SCN4A: variants seen among roughly 807,000 people sequenced by gnomAD.
SCN4A encodes the protein sodium channel protein type 4 subunit alpha.
Under a neutral mutation model 162.0 loss-of-function variants are expected in SCN4A, and 83 were observed. That is an observed-to-expected ratio of 0.51 (90% CI 0.43 to 0.61). The LOEUF is 0.61. Among genes scored for constraint, SCN4A ranks in the 20% least tolerant of loss-of-function variants. The pLI, the probability that SCN4A is intolerant of heterozygous loss-of-function variation, is 0.00. For synonymous variants in SCN4A, 944 were observed against 985.1 expected (o/e 0.96, Z 0.78); for missense variants, 2,196 against 2,462.5 (o/e 0.89, Z 2.29).
chr17:63,969,674 C>T (rs1436292077), intron 5 of SCN4A, among the ~76,000 whole-genome samples: 4 of 151,986 alleles, frequency 2.6e-5, no homozygotes, highest in South Asian at 2.1e-4. Context: ...GATAGAGTCT[C>T]GCTCTGTCGC....
chr17:63,971,116 G>T, intron 5 of SCN4A, 46 bp downstream of exon 5: 1 of 1,251,536 alleles, frequency 8.0e-7, no homozygotes, highest in Non-Finnish European at 1.1e-6. Flanking sequence ...CACATGGTAC[G>T]GGGGTCTCTC....
chr17:63,942,731 G>C, intron 23 of SCN4A, 95 bp downstream of exon 23: 1 of 1,274,190 alleles, frequency 7.8e-7, no homozygotes, highest in Non-Finnish European at 1.1e-6. Flanking sequence ...GGGTGAGCGT[G>C]TGAGGGTGCA....
chr17:63,964,495 G>A lies in SCN4A; in HGVS notation c.1425C>T (p.Phe475=). The A allele has an allele frequency of 6.2e-7, 1 of 1,613,980 alleles. No individual in the cohort carries two copies. Among genetic ancestry groups the A allele is most frequent in the African/African-American group, 1.3e-5 (1 of 75,054 alleles). Residue 475 remains phenylalanine (F), a synonymous_variant, in exon 9 of 24, where the codon TTC becomes TTT. Transcript: ENST00000435607. ...EEEFQQMLEK[F]KKHQEELEKA... ...TCTCCAGCTCCTCCTGGTGCTTTTTGAACTTCTCAAGCATCTGCTGAAACT... is the reference window on the plus strand; with the variant it reads ...TCTCCAGCTCCTCCTGGTGCTTTTTAAACTTCTCAAGCATCTGCTGAAACT...
At chr17:63,942,733 G>T in intron 23 of SCN4A, 93 bp downstream of exon 23, 1 of 1,297,668 alleles carries the variant, frequency 7.7e-7, no homozygotes, top group Non-Finnish European at 1.1e-6. Context: ...GTGAGCGTGT[G>T]AGGGTGCAGG....
At position 63,951,134 on chromosome 17, in the gene SCN4A, C is replaced by T. The variant is rs1908894261; in HGVS notation, c.2853+290G>A. On this transcript the variant is annotated intron_variant, in intron 14 of 23. Coordinates refer to ENST00000435607, the MANE Select transcript of SCN4A (RefSeq NM_000334.4). The surrounding 1 kb of genome is among the most constrained non-coding windows in gnomAD (Gnocchi z 4.5). Reference sequence around the variant, plus strand: ...GTAAAAGCAGCATGTCCAAGGGCACCACCTGCTGGTGAGAGGGGCCCAGGT... The same window carrying T: ...GTAAAAGCAGCATGTCCAAGGGCACTACCTGCTGGTGAGAGGGGCCCAGGT... Among the ~76,000 whole-genome samples, 1 of 152,190 alleles carries T rather than the reference C, an allele frequency of 6.6e-6. No homozygotes were observed.
chr17:63,957,098 AT>A, intron 13 of SCN4A, 63 bp downstream of exon 13: 1 of 1,133,606 alleles, frequency 8.8e-7, no homozygotes, highest in Non-Finnish European at 1.3e-6. Context: ...AAACAGTCAA[AT>A]ATCAGGTACA....
intron 22 of SCN4A, 148 bp from the exon 23 acceptor site, chr17:63,943,244 G>T: frequency 1.0e-6 from 1 of 972,864 alleles, no homozygotes; most frequent in Non-Finnish European, 1.5e-6. Context: ...GAGAAAGGAG[G>T]TGTTGGGGGT....
At chr17:63,946,464 C>CT (rs1220086390) in intron 18 of SCN4A, among the ~76,000 whole-genome samples, 1 of 109,684 alleles carries the variant, frequency 9.1e-6, no homozygotes, top group Non-Finnish European at 1.7e-5. Flanking sequence ...TTTTTCTTGC[C>CT]CCCCCCCCCA....
Position 63,944,880 on chromosome 17 carries a change from G to T in SCN4A, c.3775-70C>A. On this transcript the variant is annotated intron_variant, in intron 20 of 23. Coordinates refer to ENST00000435607, the MANE Select transcript of SCN4A (RefSeq NM_000334.4). This position sits in a 1 kb window ranked among gnomAD's most constrained non-coding sequence, Gnocchi z 4.3. ...TTCTCCCTGCCCCCCACAGCCCTGA[G>T]GGCAGGACCCATCCACCCCCAGGGC... is the stretch of plus-strand genomic sequence containing the variant. The T allele has an allele frequency of 6.2e-7, 1 of 1,600,676 alleles. No individual in the cohort carries two copies. Among genetic ancestry groups the T allele is most frequent in the Non-Finnish European group, 8.5e-7 (1 of 1,173,112 alleles).
At chr17:63,954,979 C>T (rs992989239) in intron 13 of SCN4A, among the ~76,000 whole-genome samples, 12 of 152,272 alleles carry the variant, frequency 7.9e-5, no homozygotes, top group African/African-American at 2.4e-4. Context: ...TGAACCAGCG[C>T]GCCCCTCACA....
Position 63,972,748 on chromosome 17 carries a change from C to G in SCN4A, c.94G>C (p.Ala32Pro). The stretch of plus-strand genomic sequence containing the variant: ...TGCAGCCGGGCCTCCTCCTCCACCG[C>G]CCGCTGTTCTATGGCTGCCAGTGAC... ...RESLAAIEQR[A>P]VEEEARLQRN... The change falls in exon 1 of 24, where the codon GCG becomes CCG. Residue 32 changes from alanine to proline, a missense_variant. Transcript: ENST00000435607. The surrounding 1 kb of genome is among the most constrained non-coding windows in gnomAD (Gnocchi z 4.3). The G allele has an allele frequency of 1.9e-6, 3 of 1,613,826 alleles. No individual in the cohort carries two copies. Among genetic ancestry groups the G allele is most frequent in the Non-Finnish European group, 2.5e-6 (3 of 1,179,834 alleles).
chr17:63,949,808 A>G, intron 14 of SCN4A: 1 of 235,604 alleles, frequency 4.2e-6, no homozygotes, highest in South Asian at 1.1e-4. Flanking sequence ...GCCTCAGATA[A>G]GGGAGGAGGC....
rs771288597 is a variant in SCN4A at position 63,961,293 on chromosome 17, A to G, written c.1745T>C (p.Leu582Pro). Residue 582 changes from leucine to proline, a missense_variant, in exon 11 of 24, where the codon CTG becomes CCG. Leu to Pro is a moderately conservative substitution (Grantham distance 98). Transcript: ENST00000435607. ...HLIVMDPFVD[L>P]GITICIVLNT... The stretch of plus-strand genomic sequence containing the variant: ...GAGCACGATGCAGATGGTGATGCCC[A>G]GGTCCACGAACGGGTCCATGACGAT... 1.2e-6 allele frequency: 2 copies of G among 1,613,264 alleles called. No individual in the cohort carries two copies. Among genetic ancestry groups the G allele is most frequent in the South Asian group, 1.1e-5 (1 of 91,048 alleles).
rs1225567351 is a variant in SCN4A, at chr17:63,955,974, C to CCACTGCAGGGGGCAGCTGGGCACAG, written c.2376+1163_2376+1187dup. On this transcript the variant is annotated intron_variant, in intron 13 of 23. Coordinates refer to ENST00000435607, the MANE Select transcript of SCN4A (RefSeq NM_000334.4). ...TCCCTGTTGCCCAGGGCAGCACCAGCCACTGCAGGGGGCAGCTGGGCACAG... is the reference window on the plus strand; with the variant it reads ...TCCCTGTTGCCCAGGGCAGCACCAGCCACTGCAGGGGGCAGCTGGGCACAGCACTGCAGGGGGCAGCTGGGCACAG... 1.6e-4 allele frequency among the ~76,000 whole-genome samples: 24 copies of CCACTGCAGGGGGCAGCTGGGCACAG among 152,360 alleles called. No homozygotes were observed. In the East Asian group the frequency reaches 4.6e-3, roughly 29 times the overall value.
In SCN4A at chr17:63,957,455, T is replaced by C. The variant is rs1327920743; in HGVS notation, c.2083A>G (p.Asn695Asp). 8.7e-6 allele frequency: 14 copies of C among 1,613,850 alleles called. No individual in the cohort carries two copies. Among genetic ancestry groups the C allele is most frequent in the Non-Finnish European group, 1.2e-5 (14 of 1,179,906 alleles). The change falls in exon 13 of 24, where the codon AAT (asparagine) becomes GAT (aspartate). Residue 695 changes from asparagine (N) to aspartate (D), a missense_variant. Transcript: ENST00000435607. ...AGGTTACCCAGCGCCCCCACTGAAT[T>C]GCCAATGATCTTGATGAGCATGTTC... is the stretch of plus-strand genomic sequence containing the variant. ...TLNMLIKIIGNSVGALGNLTL... is the reference protein window; with the variant it reads ...TLNMLIKIIGDSVGALGNLTL...
rs58036769 is a variant in SCN4A, at chr17:63,942,258, GGTGTGTGTGTGT to G, written c.4289-277_4289-266del. Reference sequence around the variant, plus strand: ...CCCAAGGCTGTTTGCAAATGCCACTGGTGTGTGTGTGTGTGTGTGTGTGTGTGTGTGTGTGTG... The same window carrying G: ...CCCAAGGCTGTTTGCAAATGCCACTGGTGTGTGTGTGTGTGTGTGTGTGTG... On this transcript the variant is annotated intron_variant, in intron 23 of 23. Transcript: ENST00000435607. 0.029 allele frequency among the ~76,000 whole-genome samples: 4,014 copies of G among 138,568 alleles called. 112 individuals carry two copies. Among genetic ancestry groups the G allele is most frequent in the African/African-American group, 0.057 (1,833 of 32,072 alleles). 90.9% of individuals were successfully genotyped at this position (138,568 alleles called of 152,430 possible).
At chr17:63,964,782 C>T (rs762206646) in intron 8 of SCN4A, 105 bp from the exon 9 acceptor site, 3 of 860,370 alleles carry the variant, frequency 3.5e-6, no homozygotes, top group Non-Finnish European at 5.5e-6. Context: ...AGCAGAGCCC[C>T]TCCCTCACAG....
chr17:63,971,634 C>G, intron 4 of SCN4A, 88 bp downstream of exon 4: 3 of 1,235,160 alleles, frequency 2.4e-6, no homozygotes, highest in Non-Finnish European at 3.4e-6. Context: ...TCCCCTGCAG[C>G]CCTCAGCCCA....
rs1437988996 is a variant in SCN4A at position 63,972,696 on chromosome 17, T to C, written c.146A>G (p.Glu49Gly). ...LQRNKQMEIE[E>G]PERKPRSDLE... Reference sequence around the variant, plus strand: ...GTCACTTCGTGGCTTCCGTTCGGGCTCCTCAATCTCCATCTGCTTATTCCG... The same window carrying C: ...GTCACTTCGTGGCTTCCGTTCGGGCCCCTCAATCTCCATCTGCTTATTCCG... The change falls in exon 1 of 24, where the codon GAG (glutamate) becomes GGG (glycine). Residue 49 changes from glutamate to glycine, a missense_variant. Transcript: ENST00000435607. The surrounding 1 kb of genome is among the most constrained non-coding windows in gnomAD (Gnocchi z 4.3). The C allele has an allele frequency of 4.3e-6, 7 of 1,613,762 alleles. No homozygotes were observed. The highest frequency in any genetic ancestry group is 5.9e-6 in the Non-Finnish European group (7 of 1,179,816).
Sources: allele counts gnomAD v4.1 joint callset (sites outside exome capture counted in the v4.1 genomes callset), GRCh38; gene constraint gnomAD v4.1.1; non-coding constraint Gnocchi (gnomAD v3.1); transcripts MANE v1.5; gene names NCBI Gene and HGNC (gene_info 2026-07-23, HGNC 2026-07-21).